EFHC1: variants seen among roughly 807,000 people sequenced by gnomAD.
The protein encoded by EFHC1 is EF-hand domain containing 1.
EFHC1 carries 53 observed loss-of-function variants against 69.9 expected under a neutral mutation model. That is an observed-to-expected ratio of 0.76 (90% confidence interval 0.61 to 0.95). The LOEUF is 0.95. EFHC1 is among the 40% of genes least tolerant of loss of function. The probability of loss-of-function intolerance (pLI) is 0.00; values close to 1 mark genes in which losing one functional copy is unlikely to be tolerated. For synonymous variants in EFHC1, 256 were observed against 278.4 expected (o/e 0.92, Z 0.80); for missense variants, 739 against 798.7 (o/e 0.93, Z 0.90).
At chr6:52,464,770 G>A in intron 5 of EFHC1, 125 bp from the exon 6 acceptor site, 2 of 760,746 alleles carry the variant, frequency 2.6e-6, no homozygotes, top group Non-Finnish European at 4.5e-6. Context: ...GGGAGACCCT[G>A]ACTCTTGACC....
chr6:52,447,069 T>G (rs1162344623), intron 3 of EFHC1, among the ~76,000 whole-genome samples: 1 of 152,212 alleles, frequency 6.6e-6, no homozygotes, highest in African/African-American at 2.4e-5. Context: ...GGAGTATCTT[T>G]GTGGCATTCT....
intron 2 of EFHC1, among the ~76,000 whole-genome samples, chr6:52,427,396 A>AT (rs2113969596): frequency 1.3e-5 from 2 of 152,184 alleles, no homozygotes; most frequent in Non-Finnish European, 2.9e-5. Flanking sequence ...GCATTTGAAA[A>AT]TTCCAATTCA....
At chr6:52,471,295 A>G (rs1299818228) in intron 7 of EFHC1, among the ~76,000 whole-genome samples, 5 of 152,212 alleles carry the variant, frequency 3.3e-5, no homozygotes, top group African/African-American at 1.2e-4. Flanking sequence ...TTGAATTATC[A>G]TAGTCCCTGA....
intron 7 of EFHC1, among the ~76,000 whole-genome samples, chr6:52,469,715 C>T (rs1020674751): frequency 2.0e-5 from 3 of 152,184 alleles, no homozygotes; most frequent in Non-Finnish European, 2.9e-5. Context: ...TAATCTCTCA[C>T]TCTTACACCT....
In EFHC1 at chr6:52,467,930, CAG is replaced by C. The variant is rs1332766018; in HGVS notation, c.1138-1400_1138-1399del. ...GGAAACCAGGGATAGGAATTTGTAG[CAG>C]AGTCTAGAGGAATAAAGCTAGAGCC... On this transcript the variant is annotated intron_variant, in intron 6 of 10. Coordinates refer to ENST00000371068, the MANE Select transcript of EFHC1 (RefSeq NM_018100.4). Among the ~76,000 whole-genome samples the C allele has an allele frequency of 7.2e-5, 11 of 152,224 alleles. No homozygotes were observed. In the South Asian group the frequency reaches 1.5e-3, roughly 20 times the overall value.
Position 52,476,313 on chromosome 6 carries a change from A to C in EFHC1, c.1279-2724A>C, listed in dbSNP as rs145232946. Among the ~76,000 whole-genome samples the C allele has an allele frequency of 7.7e-3, 1,167 of 152,322 alleles. 16 individuals are homozygous for C. The highest frequency in any genetic ancestry group is 0.026 in the African/African-American group (1,084 of 41,548). On this transcript the variant is annotated intron_variant, in intron 7 of 10. Transcript: ENST00000371068. ...TCATCCCCAAAGGGATGGCTCCTCC[A>C]TACAGTAGAATTTCAGTTAATTAAT...
rs1340901680 is a variant in EFHC1 at position 52,494,525 on chromosome 6, G to A, written c.*2184G>A. The A allele has an allele frequency of 2.2e-6, 1 of 454,162 alleles. No homozygotes were observed. The highest frequency in any genetic ancestry group is 6.9e-5 in the East Asian group (1 of 14,400). 28.1% of individuals were successfully genotyped at this position (454,162 alleles called of 1,614,324 possible). On this transcript the variant is annotated 3_prime_UTR_variant, in exon 11 of 11. Coordinates refer to ENST00000371068, the MANE Select transcript of EFHC1 (RefSeq NM_018100.4). The stretch of plus-strand genomic sequence containing the variant: ...TTTCTGTGGCTAGTAATGTCGTAAT[G>A]TGGGGCCAGGTCTGAGTGACATGTG...
Position 52,476,570 on chromosome 6 carries a change from C to T in EFHC1, c.1279-2467C>T, listed in dbSNP as rs545327573. Among the ~76,000 whole-genome samples the T allele has an allele frequency of 4.6e-5, 7 of 152,260 alleles. No homozygotes were observed. The South Asian group carries it at 1.0e-3, about 23-fold the overall frequency. ...GAAACCTTAACCAAGTGATCAAGGT[C>T]AGTGTTATCCATAATAAGATATATT... On this transcript the variant is annotated intron_variant, in intron 7 of 10. Transcript: ENST00000371068.
chr6:52,494,846 C>A lies in EFHC1; in HGVS notation c.*2505C>A. Reference sequence around the variant, plus strand: ...TTCACTTTAGGATAATGGCCTCCAGCTGCATCCATGTTGCTGCAGAATACA... The same window carrying A: ...TTCACTTTAGGATAATGGCCTCCAGATGCATCCATGTTGCTGCAGAATACA... On this transcript the variant is annotated 3_prime_UTR_variant, in exon 11 of 11. Transcript: ENST00000371068. 2.2e-6 allele frequency: 1 copy of A among 452,176 alleles called. No homozygotes were observed. The highest frequency in any genetic ancestry group is 4.4e-6 in the Non-Finnish European group (1 of 225,300). 28.0% of individuals were successfully genotyped at this position (452,176 alleles called of 1,614,324 possible).
At position 52,496,297 on chromosome 6, in the gene EFHC1, T is replaced by A. The variant is rs528119196; in HGVS notation, c.*3956T>A. On this transcript the variant is annotated 3_prime_UTR_variant, in exon 11 of 11. Transcript: ENST00000371068. ...ATCAGGTCTAACTGAAGCATTTGAC[T>A]AAGACTGCTTATAGTGCTTACGGCT... is the stretch of plus-strand genomic sequence containing the variant. 6.5e-6 allele frequency: 1 copy of A among 152,924 alleles called. No individual in the cohort carries two copies. Among genetic ancestry groups the A allele is most frequent in the East Asian group, 1.9e-4 (1 of 5,208 alleles). The allele number at this position is 152,924 out of a possible 1,614,324, so 9.5% of individuals were successfully genotyped here. A position where few individuals can be genotyped will look rare whatever the true frequency, so the allele number is the denominator to read the frequency against.
At position 52,469,559 on chromosome 6, in the gene EFHC1, A is replaced by G. The variant is rs1581841187; in HGVS notation, c.1278+86A>G. The G allele has an allele frequency of 5.1e-6, 8 of 1,579,470 alleles. No individual in the cohort carries two copies. In the East Asian group the frequency reaches 1.8e-4, roughly 35 times the overall value. ...TATTTTATCTGTAAGCTGTAGATTAACAGCTGTCAGAGTTATGTGTTGACT... is the reference window on the plus strand; with the variant it reads ...TATTTTATCTGTAAGCTGTAGATTAGCAGCTGTCAGAGTTATGTGTTGACT... On this transcript the variant is annotated intron_variant, in intron 7 of 10. Coordinates refer to ENST00000371068, the MANE Select transcript of EFHC1 (RefSeq NM_018100.4).
At chr6:52,435,186 A>G (rs520450) in intron 2 of EFHC1, among the ~76,000 whole-genome samples, 128,934 of 152,188 alleles carry the variant, frequency 0.85, 55,190 homozygotes, top group African/African-American at 0.96. Flanking sequence ...TTGCCATCTC[A>G]TCTTGAATGT....
chr6:52,447,269 T>C (rs1168967351), intron 3 of EFHC1, among the ~76,000 whole-genome samples: 3 of 152,356 alleles, frequency 2.0e-5, no homozygotes, highest in Non-Finnish European at 2.9e-5. Context: ...TTCTTTTTAC[T>C]CTTTTTTCTC....
intron 7 of EFHC1, among the ~76,000 whole-genome samples, chr6:52,469,839 A>G (rs1483134681): frequency 6.6e-6 from 1 of 152,208 alleles, no homozygotes; most frequent in African/African-American, 2.4e-5. Flanking sequence ...CTTTGAGGTT[A>G]GGGACCATGT....
chr6:52,478,847 G>A (rs865981203), intron 7 of EFHC1, among the ~76,000 whole-genome samples, 190 bp from the exon 8 acceptor site: 1 of 152,286 alleles, frequency 6.6e-6, no homozygotes, highest in Middle Eastern at 3.4e-3. Context: ...GGCCTCCCTT[G>A]GGAAGCTTCC....
At chr6:52,436,252 A>C (rs1764529906) in intron 2 of EFHC1, among the ~76,000 whole-genome samples, 1 of 152,018 alleles carries the variant, frequency 6.6e-6, no homozygotes, top group Non-Finnish European at 1.5e-5. Context: ...CACTGCACTT[A>C]TCCATTTTAT....
At chr6:52,454,011 A>G (rs2113995738) in intron 4 of EFHC1, 84 bp from the exon 5 acceptor site, 1 of 1,606,364 alleles carries the variant, frequency 6.2e-7, no homozygotes, top group Non-Finnish European at 8.5e-7. Context: ...TAGTCTTTCC[A>G]TCGTTGATAC....
intron 3 of EFHC1, among the ~76,000 whole-genome samples, chr6:52,450,197 A>G (rs1393562040): frequency 1.3e-5 from 2 of 150,364 alleles, no homozygotes; most frequent in Non-Finnish European, 2.9e-5. Context: ...GTTCTTTTGC[A>G]TTTCCTGAGA....
Position 52,454,113 on chromosome 6 carries a change from A to G in EFHC1, c.742A>G (p.Ile248Val), listed in dbSNP as rs780571007. 1.9e-5 allele frequency: 31 copies of G among 1,613,544 alleles called. No individual in the cohort carries two copies. Among genetic ancestry groups the G allele is most frequent in the Admixed American group, 3.3e-5 (2 of 59,972 alleles). Residue 248 changes from isoleucine to valine, a missense_variant, in exon 5 of 11, where the codon ATC becomes GTC. Transcript: ENST00000371068. ...FDKQVLRFYAIWDDTDSMYGE... is the reference protein window; with the variant it reads ...FDKQVLRFYAVWDDTDSMYGE... ...TTCAAAGGTCCTTCGATTCTATGCAATCTGGGATGATACAGACAGCATGTA... is the reference window on the plus strand; with the variant it reads ...TTCAAAGGTCCTTCGATTCTATGCAGTCTGGGATGATACAGACAGCATGTA...
Sources: allele counts gnomAD v4.1 joint callset (sites outside exome capture counted in the v4.1 genomes callset), GRCh38; gene constraint gnomAD v4.1.1; transcripts MANE v1.5; gene names NCBI Gene and HGNC (gene_info 2026-07-23, HGNC 2026-07-21).